Variants in C1QBP observed in about 807,000 individuals in gnomAD.
C1QBP encodes the protein complement C1q binding protein.
C1QBP carries 24 observed loss-of-function variants against 29.4 expected under a neutral mutation model. The ratio of observed to expected loss-of-function variants is 0.82; its 90% CI spans 0.59 to 1.15. The LOEUF (loss-of-function observed/expected upper bound fraction) is 1.15. Among genes scored for constraint, C1QBP ranks in the 50% most tolerant of loss-of-function variants. The probability of loss-of-function intolerance (pLI) is 0.00; values close to 1 mark genes in which losing one functional copy is unlikely to be tolerated. For synonymous variants in C1QBP, 182 were observed against 149.2 expected (o/e 1.22, Z -1.60); for missense variants, 337 against 355.8 (o/e 0.95, Z 0.43).
At chr17:5,437,232 CTT>C (rs1288840403) in intron 2 of C1QBP, among the ~76,000 whole-genome samples, 2 of 152,184 alleles carry the variant, frequency 1.3e-5, no homozygotes, top group Non-Finnish European at 2.9e-5. Context: ...ATTTAATAAA[CTT>C]CAATAAATGG....
intron 3 of C1QBP, 36 bp from the exon 4 acceptor site, chr17:5,433,803 G>A: frequency 6.4e-7 from 1 of 1,558,206 alleles, no homozygotes; most frequent in Non-Finnish European, 8.9e-7. Context: ...GCTGCTGCTG[G>A]AAGGAGATGG....
In C1QBP at chr17:5,436,091, T is replaced by C. The variant is rs374257327; in HGVS notation, c.384-1125A>G. 1.1e-4 allele frequency among the ~76,000 whole-genome samples: 17 copies of C among 149,256 alleles called. 1 individual carries two copies. In the South Asian group the frequency reaches 2.9e-3, roughly 26 times the overall value. ...AGTACATGAAGTGCCGCCCTCCACT[T>C]GTGCTAACTAGCTGCTCTGCCAGGA... On this transcript the variant is annotated intron_variant, in intron 2 of 5. Coordinates refer to ENST00000225698, the MANE Select transcript of C1QBP (RefSeq NM_001212.4).
chr17:5,436,014 C>A (rs1187038623), intron 2 of C1QBP, among the ~76,000 whole-genome samples: 1 of 144,868 alleles, frequency 6.9e-6, no homozygotes, highest in Non-Finnish European at 1.5e-5. Context: ...CCACTGCTCT[C>A]CAGCCTGGAG....
Position 5,438,972 on chromosome 17 carries a change from C to T in C1QBP, c.102G>A (p.Pro34=), listed in dbSNP as rs916691684. The change falls in exon 1 of 6, where the codon CCG becomes CCA. Residue 34 remains proline (P), a synonymous_variant. Coordinates refer to ENST00000225698, the MANE Select transcript of C1QBP (RefSeq NM_001212.4). ...PASPFRQLLQ[P]APRLCTRPFG... ...AGGGCCGGGTGCACAGCCGGGGTGC[C>T]GGCTGCAGGAGCTGCCGGAAAGGCG... 1.0e-4 allele frequency: 153 copies of T among 1,500,982 alleles called. No individual in the cohort carries two copies. Among genetic ancestry groups the T allele is most frequent in the Non-Finnish European group, 1.1e-4 (119 of 1,127,768 alleles). 93.0% of individuals were successfully genotyped at this position (1,500,982 alleles called of 1,614,324 possible). A position where few individuals can be genotyped will look rare whatever the true frequency, so the allele number is the denominator to read the frequency against.
chr17:5,438,970 G>A lies in C1QBP; in HGVS notation c.104C>T (p.Ala35Val). The A allele has an allele frequency of 6.7e-7, 1 of 1,501,136 alleles. No individual in the cohort carries two copies. The highest frequency in any genetic ancestry group is 8.9e-7 in the Non-Finnish European group (1 of 1,127,796). 93.0% of individuals were successfully genotyped at this position (1,501,136 alleles called of 1,614,324 possible). ...GAAGGGCCGGGTGCACAGCCGGGGTGCCGGCTGCAGGAGCTGCCGGAAAGG... is the reference window on the plus strand; with the variant it reads ...GAAGGGCCGGGTGCACAGCCGGGGTACCGGCTGCAGGAGCTGCCGGAAAGG... ...ASPFRQLLQP[A>V]PRLCTRPFGL... The change falls in exon 1 of 6, where the codon GCA becomes GTA. Residue 35 changes from alanine to valine, a missense_variant. Physicochemically the swap from Ala to Val is moderately conservative, Grantham distance 64. Coordinates refer to ENST00000225698, the MANE Select transcript of C1QBP (RefSeq NM_001212.4).
intron 1 of C1QBP, 46 bp from the exon 2 acceptor site, chr17:5,438,319 A>G (rs1295554675): frequency 1.3e-6 from 2 of 1,595,856 alleles, no homozygotes; most frequent in Non-Finnish European, 8.5e-7. Flanking sequence ...CAGTTAGTCT[A>G]AAACATAAAA....
At chr17:5,434,725 C>G (rs537421913) in intron 3 of C1QBP, 148 bp downstream of exon 3, 2 of 597,632 alleles carry the variant, frequency 3.3e-6, no homozygotes, top group Non-Finnish European at 5.8e-6. Context: ...CTCGGCCTCC[C>G]AAAGTGCTGG....
intron 1 of C1QBP, chr17:5,438,611 A>G (rs533794899): frequency 2.4e-5 from 22 of 912,754 alleles, no homozygotes; most frequent in Non-Finnish European, 3.2e-5. Context: ...ATAGAATAAG[A>G]CTAAGGAAAA....
Position 5,433,304 on chromosome 17 carries a change from A to T in C1QBP, c.688T>A (p.Ser230Thr). The T allele has an allele frequency of 6.2e-7, 1 of 1,614,182 alleles. No homozygotes were observed. The highest frequency in any genetic ancestry group is 8.5e-7 in the Non-Finnish European group (1 of 1,180,026). ...KDTNYTLNTD[S>T]LDWALYDHLM... is the part of the protein sequence containing the mutation. ...TATCAAGCACTCACCCAGTCCAAGG[A>T]ATCTGTGTTGAGTGTATAATTAGTA... The change falls in exon 5 of 6, where the codon TCC becomes ACC. Residue 230 changes from serine to threonine, a missense_variant. By Grantham distance (58) the Ser-to-Thr change is moderately conservative. Coordinates refer to ENST00000225698, the MANE Select transcript of C1QBP (RefSeq NM_001212.4).
Position 5,433,154 on chromosome 17 carries a change from T to A in C1QBP, c.710A>T (p.Asp237Val). ...GTCGGCAAGGAAATCCATTAGGTGGTCATATAAGGCCTGCAAAGAACAATA... is the reference window on the plus strand; with the variant it reads ...GTCGGCAAGGAAATCCATTAGGTGGACATATAAGGCCTGCAAAGAACAATA... ...NTDSLDWALY[D>V]HLMDFLADRG... Residue 237 changes from aspartate to valine, a missense_variant, in exon 6 of 6, where the codon GAC becomes GTC. Physicochemically the swap from Asp to Val is radical, Grantham distance 152 (BLOSUM62 -3). Transcript: ENST00000225698. The A allele has an allele frequency of 6.2e-7, 1 of 1,613,282 alleles. No individual in the cohort carries two copies. Among genetic ancestry groups the A allele is most frequent in the Non-Finnish European group, 8.5e-7 (1 of 1,179,798 alleles).
chr17:5,434,801 A>C (rs2151676668), intron 3 of C1QBP, 72 bp downstream of exon 3: 1 of 1,400,044 alleles, frequency 7.1e-7, no homozygotes, highest in Non-Finnish European at 1.0e-6. Flanking sequence ...ACCAAAGAAA[A>C]ACGCTCCTCC....
At chr17:5,435,498 G>T (rs980407) in intron 2 of C1QBP, among the ~76,000 whole-genome samples, 2 of 152,002 alleles carry the variant, frequency 1.3e-5, no homozygotes, top group South Asian at 2.1e-4. Flanking sequence ...GCCCTGGAAC[G>T]GGGAAGGGAA....
At chr17:5,435,874 C>CAA (rs200057698) in intron 2 of C1QBP, among the ~76,000 whole-genome samples, 33 of 105,666 alleles carry the variant, frequency 3.1e-4, no homozygotes, top group Admixed American at 1.6e-3. Context: ...CTAAAAAATA[C>CAA]AAAAAAAAAA....
intron 4 of C1QBP, 98 bp downstream of exon 4, chr17:5,433,571 A>G (rs1251806029): frequency 2.0e-6 from 3 of 1,532,510 alleles, no homozygotes; most frequent in Non-Finnish European, 9.0e-7. Flanking sequence ...TCTAAGCTAG[A>G]AAAGTGTTTA....
chr17:5,438,095 G>A lies in C1QBP; in HGVS notation c.383+28C>T, dbSNP rs545171856. The A allele has an allele frequency of 2.1e-4, 345 of 1,606,910 alleles. 2 individuals are homozygous for A. In the South Asian group the frequency reaches 3.3e-3, roughly 16 times the overall value. On this transcript the variant is annotated intron_variant, in intron 2 of 5. Coordinates refer to ENST00000225698, the MANE Select transcript of C1QBP (RefSeq NM_001212.4). ...GTCCTGCAAGGTTAAGGGAGTTGCT[G>A]CCCTGGGATCCCCAGACCAGTACTT...
At chr17:5,438,484 C>T (rs1916334254) in intron 1 of C1QBP, 1 of 703,542 alleles carries the variant, frequency 1.4e-6, no homozygotes, top group Non-Finnish European at 2.3e-6. Context: ...CAACAATGAA[C>T]GCATTACCAC....
intron 2 of C1QBP, among the ~76,000 whole-genome samples, chr17:5,436,784 CCA>C (rs1916283780): frequency 6.6e-6 from 1 of 152,124 alleles, no homozygotes; most frequent in Non-Finnish European, 1.5e-5. Context: ...CTTTGGGAGG[CCA>C]AGGCGGGCGG....
In C1QBP at chr17:5,434,841, T is replaced by A. The variant is rs774686526; in HGVS notation, c.477+32A>T. ...AGCCCCAGGCACAGCCTGTCAGAAC[T>A]GAGGTAAAAGCTGATTATAGTATTA... On this transcript the variant is annotated intron_variant, in intron 3 of 5. Transcript: ENST00000225698. The A allele has an allele frequency of 5.1e-6, 8 of 1,574,336 alleles. No homozygotes were observed. The South Asian group carries it at 8.9e-5, about 17-fold the overall frequency.
intron 1 of C1QBP, 138 bp downstream of exon 1, chr17:5,438,695 AAATATGATC>A (rs1916339214): frequency 1.3e-6 from 2 of 1,506,316 alleles, no homozygotes; most frequent in African/African-American, 2.8e-5. Flanking sequence ...GAGGTGGGGG[AAATATGATC>A]ATACGTGGGT....
Sources: allele counts gnomAD v4.1 joint callset (sites outside exome capture counted in the v4.1 genomes callset), GRCh38; gene constraint gnomAD v4.1.1; transcripts MANE v1.5; gene names NCBI Gene and HGNC (gene_info 2026-07-23, HGNC 2026-07-21).